The following TBC1D23 variants were observed in gnomAD, a reference collection of about 807,000 sequenced individuals.
TBC1D23 encodes the protein HCV non-structural protein 4A-transactivated protein 1.
TBC1D23 carries 55 observed loss-of-function variants against 91.4 expected under a neutral mutation model. That is an observed-to-expected ratio of 0.60 (90% CI 0.48 to 0.75). The LOEUF is 0.75. TBC1D23 is among the 30% of genes least tolerant of loss of function. The probability of loss-of-function intolerance (pLI) is 0.00; values close to 1 mark genes in which losing one functional copy is unlikely to be tolerated. For synonymous variants in TBC1D23, 289 were observed against 281.0 expected, an observed-to-expected ratio of 1.03 and a Z score of -0.28; for missense variants, 725 against 836.1, an observed-to-expected ratio of 0.87 and a Z score of 1.64.
chr3:100,281,421 G>A (rs1298063492), intron 2 of TBC1D23, among the ~76,000 whole-genome samples: 1 of 152,036 alleles, frequency 6.6e-6, no homozygotes, highest in African/African-American at 2.4e-5. Flanking sequence ...TGGCACAGAT[G>A]TACTTTTTCT....
rs144115559 is a variant in TBC1D23, at chr3:100,275,247, G to GT, written c.54-4392dup. Among the ~76,000 whole-genome samples, 287 of 147,448 alleles carry GT rather than the reference G, an allele frequency of 1.9e-3. 1 individual carries two copies. Among genetic ancestry groups the GT allele is most frequent in the Middle Eastern group, 6.9e-3 (2 of 288 alleles). The stretch of plus-strand genomic sequence containing the variant: ...CTTTGGTTTGGTTTTATTATTTTGT[G>GT]TTTTTTTTTTGTTTGTTTGCTTTTT... On this transcript the variant is annotated intron_variant, in intron 1 of 18. Transcript: ENST00000394144.
intron 12 of TBC1D23, among the ~76,000 whole-genome samples, chr3:100,306,045 AGATT>A (rs1019624979): frequency 1.3e-5 from 2 of 152,232 alleles, no homozygotes; most frequent in East Asian, 1.9e-4. Flanking sequence ...ATTATGGGAG[AGATT>A]GATTGATATC....
At chr3:100,295,404 AC>A in intron 7 of TBC1D23, 56 bp downstream of exon 7, 2 of 1,420,372 alleles carry the variant, frequency 1.4e-6, no homozygotes, top group South Asian at 2.6e-5. Context: ...TGTGTAAGTT[AC>A]TCAGTTTCCT....
At chr3:100,311,784 A>ATT (rs3217495) in intron 14 of TBC1D23, 49 bp from the exon 15 acceptor site, 42 of 1,365,004 alleles carry the variant, frequency 3.1e-5, no homozygotes, top group East Asian at 5.0e-5. Context: ...AAGCTGTTGC[A>ATT]TTTTTTTTAT....
chr3:100,299,393 A>C, intron 10 of TBC1D23, 62 bp downstream of exon 10: 2 of 994,810 alleles, frequency 2.0e-6, no homozygotes, highest in South Asian at 3.0e-5. Context: ...TTCATAAATA[A>C]ATATATAGGT....
At chr3:100,266,155 T>C (rs2067555836) in intron 1 of TBC1D23, among the ~76,000 whole-genome samples, 1 of 152,162 alleles carries the variant, frequency 6.6e-6, no homozygotes, top group African/African-American at 2.4e-5. Context: ...GTGACAGTTA[T>C]TTGATTTTGT....
rs144639527 is a variant in TBC1D23 at position 100,313,446 on chromosome 3, G to A, written c.1598+1569G>A. The stretch of plus-strand genomic sequence containing the variant: ...CCATGGCAAAAAAAGTATAGATATT[G>A]TGCTTTAAAAAATAGTACAGCTGTT... On this transcript the variant is annotated intron_variant, in intron 15 of 18. Coordinates refer to ENST00000394144, the MANE Select transcript of TBC1D23 (RefSeq NM_001199198.3). 4.7e-3 allele frequency among the ~76,000 whole-genome samples: 712 copies of A among 152,188 alleles called. 2 individuals carry two copies. Among genetic ancestry groups the A allele is most frequent in the Non-Finnish European group, 6.4e-3 (432 of 67,984 alleles).
chr3:100,301,360 C>A (rs1171724619), intron 10 of TBC1D23, among the ~76,000 whole-genome samples: 2 of 151,452 alleles, frequency 1.3e-5, no homozygotes, highest in Admixed American at 6.6e-5. Context: ...TATTATCAAT[C>A]TTTTCTTATC....
At chr3:100,298,601 G>A (rs950486906) in intron 9 of TBC1D23, among the ~76,000 whole-genome samples, 2 of 152,198 alleles carry the variant, frequency 1.3e-5, no homozygotes, top group African/African-American at 4.8e-5. Flanking sequence ...GAAAGGAATG[G>A]ACGTGGGAAA....
At position 100,323,251 on chromosome 3, in the gene TBC1D23, A is replaced by G. The variant is rs1705895793; in HGVS notation, c.2019-336A>G. 7.2e-5 allele frequency among the ~76,000 whole-genome samples: 11 copies of G among 152,228 alleles called. 1 individual carries two copies. Among genetic ancestry groups the G allele is most frequent in the Admixed American group, 7.2e-4 (11 of 15,278 alleles). The stretch of plus-strand genomic sequence containing the variant: ...GTGATTTTTGTAGCTAATTGAAGGT[A>G]CATCTGTATTGGGGAGTGGAATATT... On this transcript the variant is annotated intron_variant, in intron 18 of 18. Coordinates refer to ENST00000394144, the MANE Select transcript of TBC1D23 (RefSeq NM_001199198.3).
chr3:100,321,995 A>G (rs1705866342), intron 18 of TBC1D23, among the ~76,000 whole-genome samples: 2 of 152,060 alleles, frequency 1.3e-5, no homozygotes, highest in South Asian at 4.1e-4. Context: ...TCTACTAAAA[A>G]CTAGATAAAT....
Position 100,278,162 on chromosome 3 carries a change from T to C in TBC1D23, c.54-1487T>C, listed in dbSNP as rs2067665566. On this transcript the variant is annotated intron_variant, in intron 1 of 18. Transcript: ENST00000394144. ...GTTTTCATTGTCTTAGTGAAAAAAA[T>C]GAAGAGTGGGAATAATTTATTTTCT... is the stretch of plus-strand genomic sequence containing the variant. Among the ~76,000 whole-genome samples, 4 of 152,242 alleles carry C rather than the reference T, an allele frequency of 2.6e-5. No individual in the cohort carries two copies. In the South Asian group the frequency reaches 8.3e-4, roughly 32 times the overall value.
rs922971718 is a variant in TBC1D23, at chr3:100,320,632, T to A, written c.1824-145T>A. 3.7e-5 allele frequency: 16 copies of A among 432,108 alleles called. No homozygotes were observed. The Admixed American group carries it at 5.1e-4, about 14-fold the overall frequency. The allele number at this position is 432,108 out of a possible 1,614,324, so 26.8% of individuals were successfully genotyped here. ...GGTGTTAATGTGTAGCTTACTTGTT[T>A]ATAGATTAACCTCTGTTTATATCTT... On this transcript the variant is annotated intron_variant, in intron 17 of 18. Coordinates refer to ENST00000394144, the MANE Select transcript of TBC1D23 (RefSeq NM_001199198.3).
chr3:100,302,882 C>T (rs557622231), intron 11 of TBC1D23, among the ~76,000 whole-genome samples: 1 of 152,326 alleles, frequency 6.6e-6, no homozygotes, highest in African/African-American at 2.4e-5. Context: ...GCCACTGTGC[C>T]TGGCCTATTA....
chr3:100,315,581 A>G (rs1326125810), intron 15 of TBC1D23, among the ~76,000 whole-genome samples: 1 of 152,264 alleles, frequency 6.6e-6, no homozygotes, highest in African/African-American at 2.4e-5. Context: ...ACCTGCACTT[A>G]TATGAGAAGC....
chr3:100,274,755 C>CATTATAT (rs1445166547), intron 1 of TBC1D23, among the ~76,000 whole-genome samples: 1 of 147,576 alleles, frequency 6.8e-6, no homozygotes, highest in Admixed American at 6.8e-5. Context: ...TATAATAGTC[C>CATTATAT]ATTATATATT....
intron 12 of TBC1D23, among the ~76,000 whole-genome samples, chr3:100,305,237 CT>C (rs1705496810): frequency 6.6e-6 from 1 of 152,058 alleles, no homozygotes; most frequent in South Asian, 2.1e-4. Flanking sequence ...ATAGTATACC[CT>C]TTGGACTCTT....
intron 11 of TBC1D23, among the ~76,000 whole-genome samples, chr3:100,302,742 C>T (rs1277782661): frequency 7.9e-5 from 12 of 152,098 alleles, no homozygotes; most frequent in East Asian, 3.9e-4. Context: ...CACGCCACCA[C>T]GCTTGACTAG....
chr3:100,308,476 CAA>C (rs764339507), intron 13 of TBC1D23, among the ~76,000 whole-genome samples: 6 of 102,590 alleles, frequency 5.8e-5, no homozygotes, highest in African/African-American at 7.5e-5. Flanking sequence ...GACTCCGTCT[CAA>C]AAAAAAAAAA....
Sources: allele counts gnomAD v4.1 joint callset (sites outside exome capture counted in the v4.1 genomes callset), GRCh38; gene constraint gnomAD v4.1.1; transcripts MANE v1.5; gene names NCBI Gene and HGNC (gene_info 2026-07-23, HGNC 2026-07-21).